Variants in PITPNM2 observed in about 807,000 individuals in gnomAD.
PITPNM2 encodes the protein membrane-associated phosphatidylinositol transfer protein 2.
A neutral mutation model predicts 132.2 loss-of-function variants in PITPNM2; 35 were observed. That is an observed-to-expected ratio of 0.26 (90% CI 0.20 to 0.35). PITPNM2 has a LOEUF of 0.35. PITPNM2 is among the 10% of genes least tolerant of loss of function. The pLI is 1.00. For missense variants in PITPNM2, 1,332 were observed against 1,912.0 expected (o/e 0.70, Z 5.66); for synonymous variants, 738 against 799.2 (o/e 0.92, Z 1.29).
rs1247523728 is a variant in PITPNM2, at chr12:123,009,898, G to A, written c.595C>T (p.Arg199Cys). The A allele has an allele frequency of 5.0e-6, 8 of 1,614,048 alleles. No individual in the cohort carries two copies. Among genetic ancestry groups the A allele is most frequent in the Non-Finnish European group, 6.8e-6 (8 of 1,180,040 alleles). ...CAYKLCKVEFRYWGMQSKIER... is the reference protein window; with the variant it reads ...CAYKLCKVEFCYWGMQSKIER... The stretch of plus-strand genomic sequence containing the variant: ...ATCTTGGACTGCATGCCCCAGTAGC[G>A]GAACTCCACCTTGCAGAGCTTGTAT... Residue 199 changes from arginine (R) to cysteine (C), a missense_variant, in exon 6 of 26, where the codon CGC becomes TGC. Arg to Cys is a radical substitution (Grantham distance 180). This residue lies in a region of PITPNM2 where 122 missense variants were observed against 209.6 expected (regional missense o/e 0.58). Coordinates refer to ENST00000320201, the MANE Select transcript of PITPNM2 (RefSeq NM_020845.3). The surrounding 1 kb of genome is among the most constrained non-coding windows in gnomAD (Gnocchi z 4.8).
intron 2 of PITPNM2, among the ~76,000 whole-genome samples, chr12:123,104,461 C>T (rs2042645340): frequency 6.6e-6 from 1 of 152,212 alleles, no homozygotes; most frequent in South Asian, 2.1e-4. Context: ...AATGGCCGGT[C>T]CTTGCCTTAA....
At position 123,113,195 on chromosome 12, in the gene PITPNM2, G is replaced by A. The variant is rs11061614; in HGVS notation, c.-199-2707C>T. On this transcript the variant is annotated intron_variant, in intron 1 of 25. Transcript: ENST00000320201. ...TTCCAAATGAGTGGGTAGTGCTGCC[G>A]AAGTTAAACACTGCTGTCTCCAGCC... is the stretch of plus-strand genomic sequence containing the variant. Among the ~76,000 whole-genome samples, 579 of 152,334 alleles carry A rather than the reference G, an allele frequency of 3.8e-3. 14 individuals carry two copies. Among genetic ancestry groups the A allele is most frequent in the Admixed American group, 0.03 (463 of 15,304 alleles).
chr12:123,066,754 A>ACGT (rs1205624272), intron 2 of PITPNM2, among the ~76,000 whole-genome samples: 1 of 152,106 alleles, frequency 6.6e-6, no homozygotes, highest in Non-Finnish European at 1.5e-5. Flanking sequence ...ACCTTAAAAT[A>ACGT]CGTGTCTGAC....
At chr12:123,019,676 G>A (rs1422298574) in intron 3 of PITPNM2, among the ~76,000 whole-genome samples, 1 of 152,222 alleles carries the variant, frequency 6.6e-6, no homozygotes, top group African/African-American at 2.4e-5. Flanking sequence ...CCACCCAGTG[G>A]AGGGCCTGTG....
At chr12:123,011,278 C>T (rs2039192750) in intron 5 of PITPNM2, among the ~76,000 whole-genome samples, 1 of 152,214 alleles carries the variant, frequency 6.6e-6, no homozygotes, top group Non-Finnish European at 1.5e-5. Flanking sequence ...GACATCAGCT[C>T]CACCAAAATC....
rs763094698 is a variant in PITPNM2 at position 122,994,134 on chromosome 12, A to G, written c.2233+667T>C. On this transcript the variant is annotated intron_variant, in intron 15 of 25. Coordinates refer to ENST00000320201, the MANE Select transcript of PITPNM2 (RefSeq NM_020845.3). This position sits in a 1 kb window ranked among gnomAD's most constrained non-coding sequence, Gnocchi z 5.4. ...GCTGATCCGCCCGCCTCGGCCTCCC[A>G]AAGTGCTGGATTACAGGCGTGAGCC... 1.3e-5 allele frequency among the ~76,000 whole-genome samples: 2 copies of G among 152,200 alleles called. No homozygotes were observed. Among genetic ancestry groups the G allele is most frequent in the Non-Finnish European group, 2.9e-5 (2 of 68,026 alleles).
chr12:123,029,477 T>A (rs910526935), intron 3 of PITPNM2, among the ~76,000 whole-genome samples: 4 of 152,130 alleles, frequency 2.6e-5, no homozygotes, highest in Admixed American at 2.6e-4. Context: ...TCCCAGCTAC[T>A]GGGGAGACTG....
At chr12:123,130,476 G>A (rs1396071485) in intron 1 of PITPNM2, among the ~76,000 whole-genome samples, 1 of 152,130 alleles carries the variant, frequency 6.6e-6, no homozygotes, top group Non-Finnish European at 1.5e-5. Context: ...CAAGGGGAAG[G>A]GGAAGAGAAA....
intron 19 of PITPNM2, 147 bp downstream of exon 19, chr12:122,988,577 C>T: frequency 3.4e-6 from 3 of 892,516 alleles, no homozygotes; most frequent in Non-Finnish European, 5.1e-6. Flanking sequence ...CTGAATACAC[C>T]CGAGCATAAA....
intron 19 of PITPNM2, 84 bp from the exon 20 acceptor site, chr12:122,988,434 G>A: frequency 8.7e-7 from 1 of 1,147,224 alleles, no homozygotes; most frequent in South Asian, 1.3e-5. Context: ...CAGTACCCGG[G>A]AGCAAGAGGA....
chr12:123,085,307 G>C (rs2042080922), intron 2 of PITPNM2, among the ~76,000 whole-genome samples: 1 of 152,110 alleles, frequency 6.6e-6, no homozygotes, highest in Non-Finnish European at 1.5e-5. Context: ...GCAGCACCTG[G>C]TATAGGGTCA....
At chr12:122,995,080 A>G (rs2038366950) in intron 14 of PITPNM2, 101 bp from the exon 15 acceptor site, 3 of 1,322,510 alleles carry the variant, frequency 2.3e-6, no homozygotes, top group Non-Finnish European at 3.0e-6. Context: ...TCGGGGGCCC[A>G]CTGGCTTCAG....
chr12:123,120,633 G>T (rs2043015730), intron 1 of PITPNM2, among the ~76,000 whole-genome samples: 1 of 152,176 alleles, frequency 6.6e-6, no homozygotes, highest in Non-Finnish European at 1.5e-5. Context: ...CATGTTTCCT[G>T]AGAGTAATTA....
intron 2 of PITPNM2, among the ~76,000 whole-genome samples, chr12:123,060,143 T>C (rs900461495): frequency 1.3e-5 from 2 of 152,184 alleles, no homozygotes; most frequent in Non-Finnish European, 2.9e-5. Context: ...GAGTTTTCCA[T>C]GTTGACCTTT....
intron 1 of PITPNM2, among the ~76,000 whole-genome samples, chr12:123,129,807 C>T (rs371928209): frequency 1.3e-5 from 2 of 151,886 alleles, no homozygotes; most frequent in South Asian, 2.1e-4. Flanking sequence ...ACAGAGGAAA[C>T]AGAGGGGAGA....
At chr12:123,045,501 C>T (rs1441735271) in intron 2 of PITPNM2, among the ~76,000 whole-genome samples, 2 of 152,294 alleles carry the variant, frequency 1.3e-5, no homozygotes, top group Middle Eastern at 3.4e-3. Flanking sequence ...GCTGCAGATG[C>T]CTCCCCATGG....
intron 16 of PITPNM2, among the ~76,000 whole-genome samples, chr12:122,991,180 C>T (rs1168544243): frequency 6.6e-6 from 1 of 152,230 alleles, no homozygotes; most frequent in East Asian, 1.9e-4. Flanking sequence ...AAGCCCTGAG[C>T]ATCCCTCACA....
chr12:123,072,492 T>C (rs1374374493), intron 2 of PITPNM2, among the ~76,000 whole-genome samples: 1 of 152,176 alleles, frequency 6.6e-6, no homozygotes, highest in Non-Finnish European at 1.5e-5. Flanking sequence ...CAATTGTCCC[T>C]CTCCTGTCTT....
intron 5 of PITPNM2, 67 bp from the exon 6 acceptor site, chr12:123,010,144 T>C (rs1003246327): frequency 3.4e-5 from 45 of 1,305,080 alleles, no homozygotes; most frequent in African/African-American, 5.8e-5. Flanking sequence ...TCTCTCCATG[T>C]TCCTCCACCC....
Sources: gnomAD v4.1 joint callset for allele counts (sites outside exome capture counted in the v4.1 genomes callset) on GRCh38, gnomAD v4.1.1 for gene constraint, gnomAD v4.1.1 regional missense constraint, Gnocchi (gnomAD v3.1) non-coding constraint, MANE v1.5 for transcripts, NCBI Gene and HGNC (gene_info 2026-07-23, HGNC 2026-07-21) for gene names.